NAPG: variants seen among roughly 807,000 people sequenced by gnomAD.
The protein encoded by NAPG is NSF attachment protein gamma.
NAPG carries 25 observed loss-of-function variants against 48.4 expected under a neutral mutation model. That is an observed-to-expected ratio of 0.52 (90% CI 0.38 to 0.72). The LOEUF is 0.72. NAPG is among the 30% of genes least tolerant of loss of function. The pLI is 0.00. For missense variants in NAPG, 359 were observed against 372.5 expected, an observed-to-expected ratio of 0.96 and a Z score of 0.30; for synonymous variants, 139 against 127.2, an observed-to-expected ratio of 1.09 and a Z score of -0.62.
Position 10,549,010 on chromosome 18 carries a change from C to T in NAPG, c.709C>T (p.Gln237Ter). 6.2e-7 allele frequency: 1 copy of T among 1,613,912 alleles called. No individual in the cohort carries two copies. Among genetic ancestry groups the T allele is most frequent in the Non-Finnish European group, 8.5e-7 (1 of 1,179,818 alleles). The change falls in exon 11 of 12, where the codon CAG becomes TAG. Residue 237 changes from glutamine to a stop codon, truncating the protein, a stop_gained. Transcript: ENST00000322897. LOFTEE classifies it high-confidence loss of function. Reference sequence around the variant, plus strand: ...CAGTGAAGACTGTGCTGCCCTGGAACAGCTTCTTGAAGGTTATGACCAGCA... The same window carrying T: ...CAGTGAAGACTGTGCTGCCCTGGAATAGCTTCTTGAAGGTTATGACCAGCA... ...NGSEDCAALE[Q>*]LLEGYDQQDQ...
At position 10,532,791 on chromosome 18, in the gene NAPG, A is replaced by G. The variant is rs866941274; in HGVS notation, c.205A>G (p.Arg69Gly). Residue 69 changes from arginine (R) to glycine (G), a missense_variant, in exon 3 of 12, where the codon AGG becomes GGG. Coordinates refer to ENST00000322897, the MANE Select transcript of NAPG (RefSeq NM_003826.3). ...GGAAGCTGTTGCCCATGAAAATAAT[A>G]GGGCGTATCTTTTTCAACTTTTAAA... is the stretch of plus-strand genomic sequence containing the variant. Reference protein sequence around the residue: ...LREAVAHENNRALFHAAKAYE... With the variant: ...LREAVAHENNGALFHAAKAYE... The G allele has an allele frequency of 6.4e-7, 1 of 1,569,138 alleles. No individual in the cohort carries two copies. The highest frequency in any genetic ancestry group is 8.7e-7 in the Non-Finnish European group (1 of 1,154,950).
Position 10,548,680 on chromosome 18 carries a change from A to G in NAPG, c.666-287A>G, listed in dbSNP as rs1230209046. Reference sequence around the variant, plus strand: ...GGGAAAAAATTATCAGATTTATGTTACAGAAATCAAAATGAGGAATTTTCT... The same window carrying G: ...GGGAAAAAATTATCAGATTTATGTTGCAGAAATCAAAATGAGGAATTTTCT... On this transcript the variant is annotated intron_variant, in intron 10 of 11. Coordinates refer to ENST00000322897, the MANE Select transcript of NAPG (RefSeq NM_003826.3). This position sits in a 1 kb window ranked among gnomAD's most constrained non-coding sequence, Gnocchi z 4.4. Among the ~76,000 whole-genome samples the G allele has an allele frequency of 2.0e-5, 3 of 152,132 alleles. No homozygotes were observed. The highest frequency in any genetic ancestry group is 4.4e-5 in the Non-Finnish European group (3 of 68,028).
rs1443017768 is a variant in NAPG at position 10,550,683 on chromosome 18, C to T, written c.*463C>T. ...TTTTGTTTTGAAAAGTAAATTTATC[C>T]CCCATGATGTTAGATACATTTAAAT... is the stretch of plus-strand genomic sequence containing the variant. On this transcript the variant is annotated 3_prime_UTR_variant, in exon 12 of 12. Coordinates refer to ENST00000322897, the MANE Select transcript of NAPG (RefSeq NM_003826.3). 2 of 153,858 alleles carry T rather than the reference C, an allele frequency of 1.3e-5. No homozygotes were observed. The highest frequency in any genetic ancestry group is 2.9e-5 in the Non-Finnish European group (2 of 69,450). The allele number at this position is 153,858 out of a possible 1,614,324, so 9.5% of individuals were successfully genotyped here.
chr18:10,526,667 C>T (rs1232323540), intron 1 of NAPG: 1 of 154,690 alleles, frequency 6.5e-6, no homozygotes, highest in Non-Finnish European at 1.4e-5. Flanking sequence ...CCCAAAAACT[C>T]CTCGGTGAAC....
In NAPG at chr18:10,539,888, CA is replaced by C; in HGVS notation, c.368+19del. The C allele has an allele frequency of 5.6e-6, 9 of 1,612,266 alleles. No individual in the cohort carries two copies. The highest frequency in any genetic ancestry group is 7.6e-6 in the Non-Finnish European group (9 of 1,178,462). ...AGCTGGAAAGTGAGTGTGAGATGGA[CA>C]AGTCTCTGCATAGAAGTCTTGTCTT... On this transcript the variant is annotated intron_variant, in intron 6 of 11. Coordinates refer to ENST00000322897, the MANE Select transcript of NAPG (RefSeq NM_003826.3). The surrounding 1 kb of genome is among the most constrained non-coding windows in gnomAD (Gnocchi z 4.7).
chr18:10,532,593 A>G, intron 2 of NAPG, 118 bp from the exon 3 acceptor site: 4 of 661,266 alleles, frequency 6.0e-6, no homozygotes, highest in Non-Finnish European at 9.6e-6. Context: ...GTTTTAGGAT[A>G]CTTCCTAAGT....
intron 9 of NAPG, among the ~76,000 whole-genome samples, chr18:10,547,367 T>G (rs531825823): frequency 5.3e-5 from 8 of 152,100 alleles, no homozygotes; most frequent in Non-Finnish European, 1.2e-4. Context: ...CCAGAATTAC[T>G]CAACATGCAA....
chr18:10,531,984 AAG>A (rs1567888187), intron 2 of NAPG, among the ~76,000 whole-genome samples: 9 of 152,300 alleles, frequency 5.9e-5, no homozygotes. Context: ...CATTTTATTA[AAG>A]AGAATTTTAA....
intron 5 of NAPG, among the ~76,000 whole-genome samples, chr18:10,535,786 G>A (rs1384016366): frequency 6.6e-6 from 1 of 152,108 alleles, no homozygotes; most frequent in Non-Finnish European, 1.5e-5. Flanking sequence ...ATAGGAAAGT[G>A]TTTAAATAAA....
At chr18:10,545,496 C>T (rs1567893446) in intron 8 of NAPG, among the ~76,000 whole-genome samples, 1 of 152,174 alleles carries the variant, frequency 6.6e-6, no homozygotes, top group Non-Finnish European at 1.5e-5. Flanking sequence ...TCTCCCATAA[C>T]CGTGGACTGT....
rs1472126622 is a variant in NAPG, at chr18:10,552,473, C to T, written c.*2253C>T. On this transcript the variant is annotated 3_prime_UTR_variant, in exon 12 of 12. Transcript: ENST00000322897. ...ACTTGGTGTTTACAAGGAAAATTGT[C>T]TTCCAGAACTCCACTGTCATCACTT... is the stretch of plus-strand genomic sequence containing the variant. The T allele has an allele frequency of 6.6e-6, 1 of 152,224 alleles. No individual in the cohort carries two copies. The highest frequency in any genetic ancestry group is 1.5e-5 in the Non-Finnish European group (1 of 68,034). 9.4% of individuals were successfully genotyped at this position (152,224 alleles called of 1,614,324 possible). A position where few individuals can be genotyped will look rare whatever the true frequency, so the allele number is the denominator to read the frequency against.
chr18:10,540,403 T>C lies in NAPG; in HGVS notation c.506+4T>C. ...GACTACTAGTACGAGGACGTAGGTATGTCTTTAAAAACTATTGCTGTGTGT... is the reference window on the plus strand; with the variant it reads ...GACTACTAGTACGAGGACGTAGGTACGTCTTTAAAAACTATTGCTGTGTGT... On this transcript the variant is annotated splice_donor_region_variant and intron_variant, in intron 8 of 11. Transcript: ENST00000322897. The C allele has an allele frequency of 6.2e-7, 1 of 1,611,224 alleles. No homozygotes were observed.
intron 2 of NAPG, 52 bp downstream of exon 2, chr18:10,530,889 G>C: frequency 7.4e-7 from 1 of 1,342,658 alleles, no homozygotes. Flanking sequence ...AAAATAGTCT[G>C]ATAACTTCAT....
chr18:10,547,536 G>T (rs1037634293), intron 9 of NAPG, among the ~76,000 whole-genome samples: 1 of 151,704 alleles, frequency 6.6e-6, no homozygotes, highest in Non-Finnish European at 1.5e-5. Flanking sequence ...AAGAGGACCT[G>T]TTGTTTTTTA....
At chr18:10,526,196 C>A in intron 1 of NAPG, 38 bp downstream of exon 1, 1 of 1,331,806 alleles carries the variant, frequency 7.5e-7, no homozygotes, top group Non-Finnish European at 1.0e-6. Flanking sequence ...GTGTAGACGC[C>A]GGGTCCGTCT....
chr18:10,531,773 T>C (rs1406325308), intron 2 of NAPG, among the ~76,000 whole-genome samples: 1 of 152,240 alleles, frequency 6.6e-6, no homozygotes, highest in Non-Finnish European at 1.5e-5. Context: ...TGAGGGAAAT[T>C]TAACACAGAT....
chr18:10,546,815 C>G lies in NAPG; in HGVS notation c.585+411C>G, dbSNP rs1214790711. On this transcript the variant is annotated intron_variant, in intron 9 of 11. Transcript: ENST00000322897. The surrounding 1 kb of genome is among the most constrained non-coding windows in gnomAD (Gnocchi z 4.0). ...CAACAATGAAAACTCCAAAAGAAAC[C>G]CCGCCTTTCTAACCAGCAATGGGAG... Among the ~76,000 whole-genome samples the G allele has an allele frequency of 6.6e-6, 1 of 152,134 alleles. No individual in the cohort carries two copies. Among genetic ancestry groups the G allele is most frequent in the Admixed American group, 6.5e-5 (1 of 15,276 alleles).
At position 10,542,227 on chromosome 18, in the gene NAPG, G is replaced by T. The variant is rs915100643; in HGVS notation, c.506+1828G>T. ...TTTTATTCGTGACTTTGTTTTATTG[G>T]TTTTTTTTTTTTCTTTTTAGGAAAA... is the stretch of plus-strand genomic sequence containing the variant. On this transcript the variant is annotated intron_variant, in intron 8 of 11. Coordinates refer to ENST00000322897, the MANE Select transcript of NAPG (RefSeq NM_003826.3). The surrounding 1 kb of genome is among the most constrained non-coding windows in gnomAD (Gnocchi z 4.5). 5.7e-4 allele frequency among the ~76,000 whole-genome samples: 83 copies of T among 145,032 alleles called. 1 individual carries two copies. Among genetic ancestry groups the T allele is most frequent in the African/African-American group, 1.8e-3 (71 of 39,906 alleles).
Position 10,548,394 on chromosome 18 carries a change from G to T in NAPG, c.665+16G>T. On this transcript the variant is annotated intron_variant, in intron 10 of 11. Transcript: ENST00000322897. This position sits in a 1 kb window ranked among gnomAD's most constrained non-coding sequence, Gnocchi z 4.4. ...AGAGCTATAGGTAAGACGTTGTCTGGGCCCTCTTGACTTGCAGTGGCGACA... is the reference window on the plus strand; with the variant it reads ...AGAGCTATAGGTAAGACGTTGTCTGTGCCCTCTTGACTTGCAGTGGCGACA... 6.2e-7 allele frequency: 1 copy of T among 1,605,738 alleles called. No homozygotes were observed.
Sources: allele counts gnomAD v4.1 joint callset (sites outside exome capture counted in the v4.1 genomes callset), GRCh38; gene constraint gnomAD v4.1.1; non-coding constraint Gnocchi (gnomAD v3.1); transcripts MANE v1.5; gene names NCBI Gene and HGNC (gene_info 2026-07-23, HGNC 2026-07-21).